Variants in MC1R observed in about 807,000 individuals in gnomAD.
The protein encoded by MC1R is melanocyte-stimulating hormone receptor.
For synonymous variants in MC1R, 263 were observed against 203.8 expected, an observed-to-expected ratio of 1.29 and a Z score of -2.47; for missense variants, 542 against 430.0, an observed-to-expected ratio of 1.26 and a Z score of -2.30.
Position 89,919,921 on chromosome 16 carries a change from CG to C in MC1R, c.664del (p.Ala222ProfsTer92). The C allele has an allele frequency of 6.2e-7, 1 of 1,609,398 alleles. No individual in the cohort carries two copies. Among genetic ancestry groups the C allele is most frequent in the Non-Finnish European group, 8.5e-7 (1 of 1,179,798 alleles). ...ARACQHAQGI[A>X]RLHKRQRPVH... is the part of the protein sequence containing the mutation. ...GGGCCTGCCAGCACGCCCAGGGCAT[CG>C]CCCGGCTCCACAAGAGGCAGCGCCC... On this transcript the variant is annotated frameshift_variant, in exon 1 of 1. Transcript: ENST00000555147. LOFTEE classifies it low-confidence loss of function (END_TRUNC).
chr16:89,920,679 A>AG lies in MC1R; in HGVS notation c.*471dup. On this transcript the variant is annotated 3_prime_UTR_variant, in exon 1 of 1. Transcript: ENST00000555147. The stretch of plus-strand genomic sequence containing the variant: ...CTACTCCCACAGCAGCCCCAGGAGA[A>AG]GGGGCTTTGTGACCAGAAAGCTTCA... 1.4e-6 allele frequency: 1 copy of AG among 717,006 alleles called. No individual in the cohort carries two copies. Among genetic ancestry groups the AG allele is most frequent in the Non-Finnish European group, 2.6e-6 (1 of 384,952 alleles). The allele number at this position is 717,006 out of a possible 1,614,324, so 44.4% of individuals were successfully genotyped here.
rs2045715341 is a variant in MC1R at position 89,920,766 on chromosome 16, C to T, written c.*554C>T. The T allele has an allele frequency of 2.8e-6, 2 of 702,068 alleles. No homozygotes were observed. Among genetic ancestry groups the T allele is most frequent in the African/African-American group, 3.5e-5 (2 of 56,814 alleles). The allele number at this position is 702,068 out of a possible 1,614,324, so 43.5% of individuals were successfully genotyped here. ...AAATCCCTGCCTCAGGCCAAGGGAC[C>T]AGGTTTGCAGGAGCCCCCCTAGTGG... On this transcript the variant is annotated 3_prime_UTR_variant, in exon 1 of 1. Transcript: ENST00000555147.
At position 89,920,340 on chromosome 16, in the gene MC1R, A is replaced by C; in HGVS notation, c.*128A>C. On this transcript the variant is annotated 3_prime_UTR_variant, in exon 1 of 1. Transcript: ENST00000555147. ...CCGTTTGTCAAAGAGGATGGACTAA[A>C]TGATCTCTGAAAGTGTTGAAGCGCG... is the stretch of plus-strand genomic sequence containing the variant. 1.2e-6 allele frequency: 1 copy of C among 807,028 alleles called. No homozygotes were observed. Among genetic ancestry groups the C allele is most frequent in the Non-Finnish European group, 2.0e-6 (1 of 498,836 alleles). The allele number at this position is 807,028 out of a possible 1,614,324, so 50.0% of individuals were successfully genotyped here. A position where few individuals can be genotyped will look rare whatever the true frequency, so the allele number is the denominator to read the frequency against.
chr16:89,919,746 G>T lies in MC1R; in HGVS notation c.488G>T (p.Arg163Leu). The T allele has an allele frequency of 6.2e-7, 1 of 1,607,604 alleles. No individual in the cohort carries two copies. The highest frequency in any genetic ancestry group is 8.5e-7 in the Non-Finnish European group (1 of 1,179,800). Residue 163 changes from arginine to leucine, a missense_variant, in exon 1 of 1, where the codon CGA (arginine) becomes CTA (leucine). Physicochemically the swap from Arg to Leu is moderately radical, Grantham distance 102. Transcript: ENST00000555147. ...ATCGTGACCCTGCCGCGGGCGCGGC[G>T]AGCCGTTGCGGCCATCTGGGTGGCC... ...HSIVTLPRAR[R>L]AVAAIWVASV...
At position 89,920,280 on chromosome 16, in the gene MC1R, G is replaced by T; in HGVS notation, c.*68G>T. 1 of 1,357,466 alleles carries T rather than the reference G, an allele frequency of 7.4e-7. No homozygotes were observed. Among genetic ancestry groups the T allele is most frequent in the Non-Finnish European group, 1.0e-6 (1 of 967,564 alleles). 84.1% of individuals were successfully genotyped at this position (1,357,466 alleles called of 1,614,324 possible). A position where few individuals can be genotyped will look rare whatever the true frequency, so the allele number is the denominator to read the frequency against. On this transcript the variant is annotated 3_prime_UTR_variant, in exon 1 of 1. Coordinates refer to ENST00000555147, the MANE Select transcript of MC1R (RefSeq NM_002386.4). ...GGTGATATTGTGTGGTCTGGTTCCT[G>T]TGTGACCCTGGGCAGTTCCTTACCT...
chr16:89,919,362 G>A lies in MC1R; in HGVS notation c.104G>A (p.Cys35Tyr), dbSNP rs779504604. The A allele has an allele frequency of 4.3e-5, 69 of 1,613,076 alleles. No homozygotes were observed. Among genetic ancestry groups the A allele is most frequent in the Middle Eastern group, 1.6e-4 (1 of 6,084 alleles). Reference protein sequence around the residue: ...GLAANQTGARCLEVSISDGLF... With the variant: ...GLAANQTGARYLEVSISDGLF... Reference sequence around the variant, plus strand: ...GCTGCCAACCAGACAGGAGCCCGGTGCCTGGAGGTGTCCATCTCTGACGGG... The same window carrying A: ...GCTGCCAACCAGACAGGAGCCCGGTACCTGGAGGTGTCCATCTCTGACGGG... The change falls in exon 1 of 1, where the codon TGC becomes TAC. Residue 35 changes from cysteine to tyrosine, a missense_variant. Cys to Tyr is a radical substitution (Grantham distance 194). Transcript: ENST00000555147.
rs763408394 is a variant in MC1R at position 89,919,816 on chromosome 16, G to T, written c.558G>T (p.Val186=). 1 of 1,607,224 alleles carries T rather than the reference G, an allele frequency of 6.2e-7. No individual in the cohort carries two copies. Among genetic ancestry groups the T allele is most frequent in the Admixed American group, 1.7e-5 (1 of 60,022 alleles). ...STLFIAYYDH[V]AVLLCLVVFF... is the part of the protein sequence containing the mutation. ...TCTTCATCGCCTACTACGACCACGT[G>T]GCCGTCCTGCTGTGCCTCGTGGTCT... The change falls in exon 1 of 1, where the codon GTG becomes GTT. Residue 186 remains valine (V), a synonymous_variant. Coordinates refer to ENST00000555147, the MANE Select transcript of MC1R (RefSeq NM_002386.4).
At position 89,920,036 on chromosome 16, in the gene MC1R, C is replaced by T. The variant is rs1301300922; in HGVS notation, c.778C>T (p.His260Tyr). ...FFLCWGPFFL[H>Y]LTLIVLCPEH... ...CCTCTGCTGGGGCCCCTTCTTCCTGCATCTCACACTCATCGTCCTCTGCCC... is the reference window on the plus strand; with the variant it reads ...CCTCTGCTGGGGCCCCTTCTTCCTGTATCTCACACTCATCGTCCTCTGCCC... Residue 260 changes from histidine to tyrosine, a missense_variant, in exon 1 of 1, where the codon CAT (histidine) becomes TAT (tyrosine). Coordinates refer to ENST00000555147, the MANE Select transcript of MC1R (RefSeq NM_002386.4). The T allele has an allele frequency of 3.7e-6, 6 of 1,613,806 alleles. No individual in the cohort carries two copies. Among genetic ancestry groups the T allele is most frequent in the Non-Finnish European group, 5.1e-6 (6 of 1,179,896 alleles).
In MC1R at chr16:89,920,350, AAAGTGTTG is replaced by A. The variant is rs2045709370; in HGVS notation, c.*142_*149del. The stretch of plus-strand genomic sequence containing the variant: ...AAGAGGATGGACTAAATGATCTCTG[AAAGTGTTG>A]AAGCGCGGACCCTTCTGGGTCCAGG... On this transcript the variant is annotated 3_prime_UTR_variant, in exon 1 of 1. Coordinates refer to ENST00000555147, the MANE Select transcript of MC1R (RefSeq NM_002386.4). 1 of 774,158 alleles carries A rather than the reference AAAGTGTTG, an allele frequency of 1.3e-6. No homozygotes were observed. 48.0% of individuals were successfully genotyped at this position (774,158 alleles called of 1,614,324 possible).
Position 89,919,710 on chromosome 16 carries a change from G to C in MC1R, c.452G>C (p.Arg151Pro), listed in dbSNP as rs149922657. The change falls in exon 1 of 1, where the codon CGC (arginine) becomes CCC (proline). Residue 151 changes from arginine (R) to proline (P), a missense_variant. Arg to Pro is a moderately radical substitution (Grantham distance 103). Transcript: ENST00000555147. Reference sequence around the variant, plus strand: ...TACATCTCCATCTTCTACGCACTGCGCTACCACAGCATCGTGACCCTGCCG... The same window carrying C: ...TACATCTCCATCTTCTACGCACTGCCCTACCACAGCATCGTGACCCTGCCG... ...DRYISIFYAL[R>P]YHSIVTLPRA... is the part of the protein sequence containing the mutation. 6.2e-7 allele frequency: 1 copy of C among 1,606,184 alleles called. No individual in the cohort carries two copies. The highest frequency in any genetic ancestry group is 8.5e-7 in the Non-Finnish European group (1 of 1,179,796).
In MC1R at chr16:89,919,118, G is replaced by T; in HGVS notation, c.-141G>T. On this transcript the variant is annotated 5_prime_UTR_variant, in exon 1 of 1. Coordinates refer to ENST00000555147, the MANE Select transcript of MC1R (RefSeq NM_002386.4). ...AGAGGGTGTGAGGGCAGATCTGGGG[G>T]TGCCCAGATGGAAGGAGGCAGGCAT... is the stretch of plus-strand genomic sequence containing the variant. 2 of 634,622 alleles carry T rather than the reference G, an allele frequency of 3.2e-6. No homozygotes were observed. Among genetic ancestry groups the T allele is most frequent in the East Asian group, 2.8e-5 (1 of 36,336 alleles). 39.3% of individuals were successfully genotyped at this position (634,622 alleles called of 1,614,324 possible). A position where few individuals can be genotyped will look rare whatever the true frequency, so the allele number is the denominator to read the frequency against.
In MC1R at chr16:89,920,437, C is replaced by T. The variant is rs569349623; in HGVS notation, c.*225C>T. On this transcript the variant is annotated 3_prime_UTR_variant, in exon 1 of 1. Coordinates refer to ENST00000555147, the MANE Select transcript of MC1R (RefSeq NM_002386.4). ...ACTTCTCACCAGCAGTCGTGGGGAA[C>T]GGAGGAGGACATGGGGAGGTTGTGG... 2.7e-5 allele frequency: 17 copies of T among 620,080 alleles called. No individual in the cohort carries two copies. Among genetic ancestry groups the T allele is most frequent in the Middle Eastern group, 4.3e-4 (1 of 2,300 alleles). 38.4% of individuals were successfully genotyped at this position (620,080 alleles called of 1,614,324 possible). A position where few individuals can be genotyped will look rare whatever the true frequency, so the allele number is the denominator to read the frequency against.
chr16:89,919,537 G>A lies in MC1R; in HGVS notation c.279G>A (p.Leu93=). Residue 93 remains leucine, a synonymous_variant, in exon 1 of 1, where the codon CTG becomes CTA. Transcript: ENST00000555147. Reference sequence around the variant, plus strand: ...TGCTGGTGAGCGGGAGCAACGTGCTGGAGACGGCCGTCATCCTCCTGCTGG... The same window carrying A: ...TGCTGGTGAGCGGGAGCAACGTGCTAGAGACGGCCGTCATCCTCCTGCTGG... The part of the protein sequence containing the change: ...SDLLVSGSNV[L]ETAVILLLEA... 1 of 1,612,756 alleles carries A rather than the reference G, an allele frequency of 6.2e-7. No homozygotes were observed. Among genetic ancestry groups the A allele is most frequent in the Non-Finnish European group, 8.5e-7 (1 of 1,179,718 alleles).
chr16:89,919,300 C>G lies in MC1R; in HGVS notation c.42C>G (p.Leu14=). 6.2e-7 allele frequency: 1 copy of G among 1,607,448 alleles called. No homozygotes were observed. Among genetic ancestry groups the G allele is most frequent in the South Asian group, 1.1e-5 (1 of 90,360 alleles). Residue 14 remains leucine (L), a synonymous_variant, in exon 1 of 1, where the codon CTC becomes CTG. Transcript: ENST00000555147. ...QGSQRRLLGS[L]NSTPTAIPQL... Reference sequence around the variant, plus strand: ...CCCAGAGAAGACTTCTGGGCTCCCTCAACTCCACCCCCACAGCCATCCCCC... The same window carrying G: ...CCCAGAGAAGACTTCTGGGCTCCCTGAACTCCACCCCCACAGCCATCCCCC...
chr16:89,920,899 C>G lies in MC1R; in HGVS notation c.*687C>G. On this transcript the variant is annotated 3_prime_UTR_variant, in exon 1 of 1. Coordinates refer to ENST00000555147, the MANE Select transcript of MC1R (RefSeq NM_002386.4). ...CCCAAGCAGACAGCCCTGGCAAATG[C>G]CTGACTCAGTGACCAGTGCCTGTGA... 1 of 589,184 alleles carries G rather than the reference C, an allele frequency of 1.7e-6. No individual in the cohort carries two copies. The allele number at this position is 589,184 out of a possible 1,614,324, so 36.5% of individuals were successfully genotyped here.
chr16:89,920,207 T>C lies in MC1R; in HGVS notation c.949T>C (p.Trp317Arg), dbSNP rs762063106. ...GCTCAAGGAGGTGCTGACATGCTCC[T>C]GGTGAGCGCGGTGCACGCGGCTTTA... is the stretch of plus-strand genomic sequence containing the variant. ...RTLKEVLTCS[W>R] The change falls in exon 1 of 1, where the codon TGG (tryptophan) becomes CGG (arginine). Residue 317 changes from tryptophan (W) to arginine (R), a missense_variant. By Grantham distance (101) the Trp-to-Arg change is moderately radical. Coordinates refer to ENST00000555147, the MANE Select transcript of MC1R (RefSeq NM_002386.4). 1.4e-5 allele frequency: 23 copies of C among 1,612,746 alleles called. 1 individual carries two copies. In the Admixed American group the frequency reaches 3.7e-4, roughly 26 times the overall value.
In MC1R at chr16:89,920,482, C is replaced by G; in HGVS notation, c.*270C>G. ...TTGTGGGGCCTCAGGCTCCGGGCAC[C>G]AGGGGCCAACCTCAGGCTCCTAAAG... is the stretch of plus-strand genomic sequence containing the variant. On this transcript the variant is annotated 3_prime_UTR_variant, in exon 1 of 1. Coordinates refer to ENST00000555147, the MANE Select transcript of MC1R (RefSeq NM_002386.4). 3.2e-6 allele frequency: 2 copies of G among 616,566 alleles called. No individual in the cohort carries two copies. Among genetic ancestry groups the G allele is most frequent in the East Asian group, 2.7e-5 (1 of 36,378 alleles). The allele number at this position is 616,566 out of a possible 1,614,324, so 38.2% of individuals were successfully genotyped here.
Position 89,919,814 on chromosome 16 carries a change from G to T in MC1R, c.556G>T (p.Val186Leu). Reference protein sequence around the residue: ...STLFIAYYDHVAVLLCLVVFF... With the variant: ...STLFIAYYDHLAVLLCLVVFF... Reference sequence around the variant, plus strand: ...GCTCTTCATCGCCTACTACGACCACGTGGCCGTCCTGCTGTGCCTCGTGGT... The same window carrying T: ...GCTCTTCATCGCCTACTACGACCACTTGGCCGTCCTGCTGTGCCTCGTGGT... The change falls in exon 1 of 1, where the codon GTG (valine) becomes TTG (leucine). Residue 186 changes from valine (V) to leucine (L), a missense_variant. By Grantham distance (32) the Val-to-Leu change is conservative (BLOSUM62 1). Coordinates refer to ENST00000555147, the MANE Select transcript of MC1R (RefSeq NM_002386.4). The T allele has an allele frequency of 6.2e-7, 1 of 1,607,548 alleles. No homozygotes were observed. Among genetic ancestry groups the T allele is most frequent in the East Asian group, 2.2e-5 (1 of 44,866 alleles).
chr16:89,920,223 C>A lies in MC1R; in HGVS notation c.*11C>A. The A allele has an allele frequency of 6.2e-7, 1 of 1,606,568 alleles. No individual in the cohort carries two copies. ...ACATGCTCCTGGTGAGCGCGGTGCACGCGGCTTTAAGTGTGCTGGGCAGAG... is the reference window on the plus strand; with the variant it reads ...ACATGCTCCTGGTGAGCGCGGTGCAAGCGGCTTTAAGTGTGCTGGGCAGAG... On this transcript the variant is annotated 3_prime_UTR_variant, in exon 1 of 1. Transcript: ENST00000555147.
Sources: gnomAD v4.1 joint callset for allele counts on GRCh38, gnomAD v4.1.1 for gene constraint, MANE v1.5 for transcripts, NCBI Gene and HGNC (gene_info 2026-07-23, HGNC 2026-07-21) for gene names.